Variants in WDFY4 observed in about 807,000 individuals in gnomAD.
WDFY4 encodes WD repeat- and FYVE domain-containing protein 4.
A neutral mutation model predicts 351.9 loss-of-function variants in WDFY4; 169 were observed. The observed-to-expected ratio is 0.48, with a 90% CI of 0.42 to 0.55. The LOEUF is 0.55. Among genes scored for constraint, WDFY4 ranks in the 20% least tolerant of loss-of-function variants. WDFY4 has a pLI of 0.00. For synonymous variants in WDFY4, 1,622 were observed against 1,574.6 expected (o/e 1.03, Z -0.71); for missense variants, 3,803 against 3,935.6 (o/e 0.97, Z 0.90).
rs1013121963 is a variant in WDFY4, at chr10:48,769,301, G to C, written c.2554-5157G>C. ...TGTGAAGCAGCATATCAGGCTGAGG[G>C]ACCATGGCAAAATGGAAAGTTCATG... On this transcript the variant is annotated intron_variant, in intron 13 of 61. Coordinates refer to ENST00000325239, the MANE Select transcript of WDFY4 (RefSeq NM_001394531.1). Among the ~76,000 whole-genome samples, 12 of 152,152 alleles carry C rather than the reference G, an allele frequency of 7.9e-5. No homozygotes were observed. In the East Asian group the frequency reaches 2.3e-3, roughly 29 times the overall value.
intron 39 of WDFY4, among the ~76,000 whole-genome samples, chr10:48,841,356 G>A (rs1334720150): frequency 6.8e-6 from 1 of 148,108 alleles, no homozygotes; most frequent in African/African-American, 2.5e-5. Context: ...TTTAATGTTT[G>A]TTTGTATTTG....
Position 48,839,605 on chromosome 10 carries a change from A to G in WDFY4, c.6663+6896A>G, listed in dbSNP as rs530009051. On this transcript the variant is annotated intron_variant, in intron 39 of 61. Coordinates refer to ENST00000325239, the MANE Select transcript of WDFY4 (RefSeq NM_001394531.1). ...AAAGCAGAAAGGCCAGCTTGTATCC[A>G]CAGATCAAGAGAAAGCAGGCTGGAG... Among the ~76,000 whole-genome samples, 3 of 152,382 alleles carry G rather than the reference A, an allele frequency of 2.0e-5. No homozygotes were observed. In the South Asian group the frequency reaches 6.2e-4, roughly 32 times the overall value.
chr10:48,928,698 C>A (rs890748887), intron 47 of WDFY4, among the ~76,000 whole-genome samples: 1 of 152,196 alleles, frequency 6.6e-6, no homozygotes, highest in East Asian at 1.9e-4. Context: ...GGCCCACTGG[C>A]GACAGCCCAG....
In WDFY4 at chr10:48,828,866, A is replaced by G; in HGVS notation, c.6310A>G (p.Lys2104Glu). The change falls in exon 37 of 62, where the codon AAA becomes GAA. Residue 2104 changes from lysine (K) to glutamate (E), a missense_variant. By Grantham distance (56) the Lys-to-Glu change is moderately conservative (BLOSUM62 1). This residue lies in a region of WDFY4 where 3,054 missense variants were observed against 3,148.6 expected (regional missense o/e 0.97). Transcript: ENST00000325239. ...TTCCCCAAATGAAGACGTGAAAGAA[A>G]AAAGAGAAGACTTACCAAGTTTGAG... is the stretch of plus-strand genomic sequence containing the variant. ...FLSPNEDVKE[K>E]REDLPSLSDV... 1 of 1,448,588 alleles carries G rather than the reference A, an allele frequency of 6.9e-7. No homozygotes were observed. The highest frequency in any genetic ancestry group is 9.2e-7 in the Non-Finnish European group (1 of 1,086,922). The allele number at this position is 1,448,588 out of a possible 1,614,324, so 89.7% of individuals were successfully genotyped here.
intron 53 of WDFY4, among the ~76,000 whole-genome samples, chr10:48,961,941 G>A (rs1435110660): frequency 6.6e-6 from 1 of 152,184 alleles, no homozygotes; most frequent in Non-Finnish European, 1.5e-5. Flanking sequence ...TGTCCAGCAA[G>A]TGGCCACCAC....
Position 48,964,045 on chromosome 10 carries a change from G to C in WDFY4, c.8427G>C (p.Val2809=). Residue 2809 remains valine (V), a synonymous_variant, in exon 54 of 62, where the codon GTG becomes GTC. Coordinates refer to ENST00000325239, the MANE Select transcript of WDFY4 (RefSeq NM_001394531.1). The part of the protein sequence containing the change: ...ILGFVSNFGQ[V]PKQLFTKPHP... ...GGTTTGTCAGCAACTTTGGACAGGT[G>C]CCCAAACAGGTACAGCATGCCTTGT... 1 of 1,549,764 alleles carries C rather than the reference G, an allele frequency of 6.5e-7. No individual in the cohort carries two copies. The highest frequency in any genetic ancestry group is 8.7e-7 in the Non-Finnish European group (1 of 1,146,900).
chr10:48,816,992 G>A (rs1258957664), intron 31 of WDFY4, among the ~76,000 whole-genome samples: 2 of 152,170 alleles, frequency 1.3e-5, no homozygotes, highest in African/African-American at 4.8e-5. Context: ...AAGGCTAGGG[G>A]TAAACATAGA....
intron 47 of WDFY4, among the ~76,000 whole-genome samples, chr10:48,923,534 C>T (rs1839309129): frequency 8.9e-6 from 1 of 111,806 alleles, no homozygotes; most frequent in African/African-American, 3.2e-5. Flanking sequence ...CCGCATAGTC[C>T]TGTATTTTAT....
chr10:48,751,223 G>A (rs1022010344), intron 12 of WDFY4, among the ~76,000 whole-genome samples: 5 of 152,216 alleles, frequency 3.3e-5, no homozygotes, highest in East Asian at 1.9e-4. Flanking sequence ...TCAGCGAGGC[G>A]TTCCTGGATG....
intron 23 of WDFY4, among the ~76,000 whole-genome samples, chr10:48,795,765 C>A (rs939468843): frequency 6.6e-6 from 1 of 151,878 alleles, no homozygotes; most frequent in Non-Finnish European, 1.5e-5. Context: ...TGTGGGGCTG[C>A]AGTCAACAGA....
intron 39 of WDFY4, among the ~76,000 whole-genome samples, chr10:48,862,671 C>T (rs1015038810): frequency 1.3e-5 from 2 of 152,148 alleles, no homozygotes. Context: ...GTACTTGAAT[C>T]ATCCTGAAAC....
intron 25 of WDFY4, 45 bp downstream of exon 25, chr10:48,803,404 A>T (rs1365249831): frequency 6.5e-7 from 1 of 1,539,864 alleles, no homozygotes; most frequent in Non-Finnish European, 8.8e-7. Context: ...TGAAGGCTGA[A>T]TGTCCAGAAC....
intron 51 of WDFY4, among the ~76,000 whole-genome samples, chr10:48,956,273 C>T (rs1256991977): frequency 6.6e-6 from 1 of 152,218 alleles, no homozygotes; most frequent in Non-Finnish European, 1.5e-5. Context: ...GGCCTTGGGA[C>T]CAGGGCTGGC....
intron 12 of WDFY4, among the ~76,000 whole-genome samples, chr10:48,751,792 CA>C (rs1216092908): frequency 6.6e-6 from 1 of 152,148 alleles, no homozygotes; most frequent in East Asian, 1.9e-4. Flanking sequence ...CATATCTAAG[CA>C]AGACAAGTAC....
intron 31 of WDFY4, among the ~76,000 whole-genome samples, chr10:48,816,470 T>C (rs1346396120): frequency 6.6e-6 from 1 of 152,252 alleles, no homozygotes; most frequent in Non-Finnish European, 1.5e-5. Context: ...TTGTTCTCTA[T>C]TTCTAGTTAT....
intron 18 of WDFY4, among the ~76,000 whole-genome samples, chr10:48,779,034 G>C (rs915187761): frequency 6.6e-6 from 1 of 152,228 alleles, no homozygotes; most frequent in African/African-American, 2.4e-5. Context: ...CTCTAGGCTT[G>C]TAAGTGTCAG....
intron 17 of WDFY4, 55 bp downstream of exon 17, chr10:48,777,550 T>C (rs1304072806): frequency 1.4e-6 from 2 of 1,474,646 alleles, no homozygotes; most frequent in Non-Finnish European, 1.9e-6. Flanking sequence ...GTATGAGTCT[T>C]CAGATAGCCT....
intron 13 of WDFY4, among the ~76,000 whole-genome samples, chr10:48,770,466 GT>G (rs2065825803): frequency 6.6e-6 from 1 of 152,116 alleles, no homozygotes; most frequent in South Asian, 2.1e-4. Context: ...TTGCCTTTTG[GT>G]TCATACAGAC....
intron 51 of WDFY4, among the ~76,000 whole-genome samples, 166 bp downstream of exon 51, chr10:48,947,135 C>T (rs1419686088): frequency 6.6e-6 from 1 of 152,192 alleles, no homozygotes; most frequent in Non-Finnish European, 1.5e-5. Flanking sequence ...GATTCTGGCT[C>T]ACCAGCCAAG....
Sources: allele counts gnomAD v4.1 joint callset (sites outside exome capture counted in the v4.1 genomes callset), GRCh38; gene constraint gnomAD v4.1.1; regional missense constraint gnomAD v4.1.1; transcripts MANE v1.5; gene names NCBI Gene and HGNC (gene_info 2026-07-23, HGNC 2026-07-21).